Variants in RARB observed in about 807,000 individuals in gnomAD.
The protein encoded by RARB is retinoic acid receptor beta.
In RARB, 17 loss-of-function variants were observed where a neutral mutation model predicts 51.9. The observed-to-expected ratio is 0.33, with a 90% confidence interval of 0.22 to 0.49. The LOEUF (loss-of-function observed/expected upper bound fraction) is 0.49, where lower values mean the gene tolerates loss of function less well. Among genes scored for constraint, RARB ranks in the 20% least tolerant of loss-of-function variants. RARB has a pLI of 0.99. For synonymous variants in RARB, 215 were observed against 195.4 expected, an observed-to-expected ratio of 1.10 and a Z score of -0.84; for missense variants, 369 against 550.8, an observed-to-expected ratio of 0.67 and a Z score of 3.30.
intron 5 of RARB, among the ~76,000 whole-genome samples, chr3:25,412,944 G>A (rs191596024): frequency 3.9e-5 from 6 of 152,068 alleles, no homozygotes; most frequent in African/African-American, 7.2e-5. Flanking sequence ...ACTTGAACCC[G>A]GGAGGCGGAG....
intron 2 of RARB, among the ~76,000 whole-genome samples, chr3:25,495,918 C>T (rs888842932): frequency 2.0e-5 from 3 of 152,194 alleles, no homozygotes; most frequent in Non-Finnish European, 4.4e-5. Flanking sequence ...GATTAGCCAG[C>T]AGAAGCTATG....
chr3:25,260,978 T>C (rs1158109919), intron 5 of RARB, among the ~76,000 whole-genome samples: 2 of 152,168 alleles, frequency 1.3e-5, no homozygotes, highest in African/African-American at 2.4e-5. Context: ...TGAGTAATTT[T>C]GGACAAGTCA....
chr3:25,039,420 AATG>A (rs1217624827), intron 2 of RARB, among the ~76,000 whole-genome samples: 3 of 152,212 alleles, frequency 2.0e-5, no homozygotes, highest in Admixed American at 6.5e-5. Context: ...TTACGGTTCA[AATG>A]ATGTGTTCAG....
intron 5 of RARB, among the ~76,000 whole-genome samples, chr3:25,225,374 G>A (rs929278941): frequency 2.0e-4 from 31 of 152,080 alleles, no homozygotes; most frequent in African/African-American, 2.4e-5. Context: ...TAATCTCTAT[G>A]AAAAGGGTAA....
chr3:25,489,108 G>A (rs1290144637), intron 2 of RARB, among the ~76,000 whole-genome samples: 1 of 152,234 alleles, frequency 6.6e-6, no homozygotes, highest in Non-Finnish European at 1.5e-5. Flanking sequence ...AGCTCCAGGA[G>A]TGTATTTTCA....
intron 2 of RARB, among the ~76,000 whole-genome samples, chr3:24,921,610 C>T (rs1332684641): frequency 3.3e-5 from 5 of 152,054 alleles, no homozygotes; most frequent in Non-Finnish European, 5.9e-5. Flanking sequence ...TATCTCAGCA[C>T]CCAATCAGCG....
intron 5 of RARB, among the ~76,000 whole-genome samples, chr3:25,403,907 A>AAAT (rs1274661878): frequency 1.3e-5 from 2 of 151,050 alleles, no homozygotes; most frequent in Non-Finnish European, 2.9e-5. Flanking sequence ...AAAAAAAAAA[A>AAAT]ATTGAGTATT....
At chr3:25,308,678 C>T (rs1327402291) in intron 5 of RARB, among the ~76,000 whole-genome samples, 1 of 152,118 alleles carries the variant, frequency 6.6e-6, no homozygotes, top group Non-Finnish European at 1.5e-5. Flanking sequence ...AAACTCCTGA[C>T]CTCAAATGAT....
chr3:24,891,842 C>T (rs941208161), intron 2 of RARB, among the ~76,000 whole-genome samples: 12 of 151,472 alleles, frequency 7.9e-5, no homozygotes, highest in Non-Finnish European at 1.5e-4. Flanking sequence ...GGACCTGGGG[C>T]GGCCATCTTC....
chr3:25,358,797 G>A (rs1467729645), intron 5 of RARB, among the ~76,000 whole-genome samples: 1 of 152,184 alleles, frequency 6.6e-6, no homozygotes, highest in African/African-American at 2.4e-5. Flanking sequence ...ATTTGCATAT[G>A]TTGAACCAGC....
At chr3:24,961,106 C>G (rs1696130541) in intron 2 of RARB, among the ~76,000 whole-genome samples, 1 of 152,234 alleles carries the variant, frequency 6.6e-6, no homozygotes, top group African/African-American at 2.4e-5. Flanking sequence ...CTGAAAAGAA[C>G]TGTTCTGTCA....
In RARB at chr3:25,362,478, T is replaced by A. The variant is rs532188474; in HGVS notation, c.179-98715T>A. Among the ~76,000 whole-genome samples the A allele has an allele frequency of 2.8e-4, 43 of 151,852 alleles. No individual in the cohort carries two copies. The South Asian group carries it at 9.0e-3, about 32-fold the overall frequency. On this transcript the variant is annotated intron_variant, in intron 5 of 11. Transcript: ENST00000383772. ...GGCTTCAGCCCCCTTTCCAGGGGAG[T>A]GAACGGTTCTGTCTCGCTGGCATTC...
chr3:25,136,026 G>A (rs1700027614), intron 4 of RARB, among the ~76,000 whole-genome samples: 3 of 152,024 alleles, frequency 2.0e-5, no homozygotes, highest in Admixed American at 2.0e-4. Flanking sequence ...TTCACATGTT[G>A]AACAATTCCT....
At chr3:25,041,666 C>T (rs1249780983) in intron 2 of RARB, among the ~76,000 whole-genome samples, 2 of 152,010 alleles carry the variant, frequency 1.3e-5, no homozygotes, top group African/African-American at 2.4e-5. Flanking sequence ...CTAAATTCCT[C>T]TCTTAGATTC....
chr3:25,309,724 T>C (rs1704244417), intron 5 of RARB, among the ~76,000 whole-genome samples: 1 of 151,880 alleles, frequency 6.6e-6, no homozygotes, highest in Non-Finnish European at 1.5e-5. Context: ...CTCAAACTCC[T>C]GACCTCGTGA....
chr3:25,001,944 AT>A (rs764868076), intron 2 of RARB, among the ~76,000 whole-genome samples: 152 of 152,042 alleles, frequency 1.0e-3, no homozygotes, highest in Middle Eastern at 3.4e-3. Context: ...CATGTGGCTA[AT>A]TTTTTTATAG....
intron 2 of RARB, among the ~76,000 whole-genome samples, chr3:24,979,419 T>C (rs1482493336): frequency 2.6e-5 from 4 of 152,168 alleles, no homozygotes; most frequent in Non-Finnish European, 4.4e-5. Flanking sequence ...ATCCGGATGC[T>C]CTTGTATTAC....
chr3:25,338,091 C>A (rs1325683800), intron 5 of RARB, among the ~76,000 whole-genome samples: 1 of 118,158 alleles, frequency 8.5e-6, no homozygotes, highest in East Asian at 2.3e-4. Context: ...CCCCTCCAAA[C>A]CCCCAACACA....
chr3:25,291,115 C>A (rs1703775256), intron 5 of RARB, among the ~76,000 whole-genome samples: 1 of 152,104 alleles, frequency 6.6e-6, no homozygotes, highest in Admixed American at 6.6e-5. Context: ...AGAGTTGAGG[C>A]AAAACTATCT....
Sources: allele counts gnomAD v4.1 joint callset (sites outside exome capture counted in the v4.1 genomes callset), GRCh38; gene constraint gnomAD v4.1.1; transcripts MANE v1.5; gene names NCBI Gene and HGNC (gene_info 2026-07-23, HGNC 2026-07-21).